The following THBS2 variants were observed in gnomAD, a reference collection of about 807,000 sequenced individuals.
THBS2 encodes thrombospondin 2, also known as thrombospondin-2.
THBS2 carries 47 observed loss-of-function variants against 135.2 expected under a neutral mutation model. The observed-to-expected ratio is 0.35, with a 90% CI of 0.28 to 0.44. The LOEUF (loss-of-function observed/expected upper bound fraction) is 0.44, where lower values mean the gene tolerates loss of function less well. THBS2 is among the 20% of genes least tolerant of loss of function. THBS2 has a pLI of 1.00. For missense variants in THBS2, 1,288 were observed against 1,603.1 expected, an observed-to-expected ratio of 0.80 and a Z score of 3.36; for synonymous variants, 639 against 633.8, an observed-to-expected ratio of 1.01 and a Z score of -0.12.
rs538721622 is a variant in THBS2, at chr6:169,217,117, G to C, written c.*705C>G. ...ATCTGGAACCGCGTCACACCCATTTGCAAGGATGTTTGTTCTTTGATGAAA... is the reference window on the plus strand; with the variant it reads ...ATCTGGAACCGCGTCACACCCATTTCCAAGGATGTTTGTTCTTTGATGAAA... On this transcript the variant is annotated 3_prime_UTR_variant, in exon 22 of 22. Transcript: ENST00000617924. The C allele has an allele frequency of 6.6e-6, 1 of 152,368 alleles. No homozygotes were observed. Among genetic ancestry groups the C allele is most frequent in the South Asian group, 2.1e-4 (1 of 4,824 alleles). 9.4% of individuals were successfully genotyped at this position (152,368 alleles called of 1,614,324 possible).
In THBS2 at chr6:169,252,657, C is replaced by T. The variant is rs1211321265; in HGVS notation, c.-23+1067G>A. Among the ~76,000 whole-genome samples, 1 of 152,180 alleles carries T rather than the reference C, an allele frequency of 6.6e-6. No homozygotes were observed. Among genetic ancestry groups the T allele is most frequent in the African/African-American group, 2.4e-5 (1 of 41,448 alleles). On this transcript the variant is annotated intron_variant, in intron 1 of 21. Coordinates refer to ENST00000617924, the MANE Select transcript of THBS2 (RefSeq NM_003247.5). This position sits in a 1 kb window ranked among gnomAD's most constrained non-coding sequence, Gnocchi z 4.3. Reference sequence around the variant, plus strand: ...GGCTCCATCCCACAGGAAGGATGAGCAGCCAGGCTACCTGGCCTCAGCCCA... The same window carrying T: ...GGCTCCATCCCACAGGAAGGATGAGTAGCCAGGCTACCTGGCCTCAGCCCA...
Position 169,222,283 on chromosome 6 carries a change from C to T in THBS2, c.3187G>A (p.Val1063Met), listed in dbSNP as rs769806537. The T allele has an allele frequency of 3.5e-5, 56 of 1,613,162 alleles. No individual in the cohort carries two copies. The highest frequency in any genetic ancestry group is 4.4e-5 in the South Asian group (4 of 91,088). ...QPTRAYGYSG[V>M]SLKVVNSTTG... ...GTGGAGTTCACCACCTTGAGGGACACGCCGGAGTAGCCATAGGCCCGCGTG... is the reference window on the plus strand; with the variant it reads ...GTGGAGTTCACCACCTTGAGGGACATGCCGGAGTAGCCATAGGCCCGCGTG... The change falls in exon 19 of 22, where the codon GTG becomes ATG. Residue 1063 changes from valine to methionine, a missense_variant. Val to Met is a conservative substitution (Grantham distance 21, BLOSUM62 1). Coordinates refer to ENST00000617924, the MANE Select transcript of THBS2 (RefSeq NM_003247.5).
At position 169,225,153 on chromosome 6, in the gene THBS2, T is replaced by A; in HGVS notation, c.2765A>T (p.Asp922Val). 6.2e-7 allele frequency: 1 copy of A among 1,614,136 alleles called. No individual in the cohort carries two copies. Among genetic ancestry groups the A allele is most frequent in the Non-Finnish European group, 8.5e-7 (1 of 1,179,998 alleles). Residue 922 changes from aspartate to valine, a missense_variant, in exon 17 of 22, where the codon GAC becomes GTC. Around this residue, in one of 2 missense-constraint regions of THBS2, gnomAD observed 874 missense variants for 1,156.1 expected, o/e 0.76. Transcript: ENST00000617924. ...GCTGAGAGAGCACCCACCGTCCAAG[T>A]CCTCCTGGTCTGGGTTGAACACAAG... ...CRLVFNPDQE[D>V]LDGDGRGDIC...
intron 3 of THBS2, among the ~76,000 whole-genome samples, chr6:169,246,875 T>C (rs549977026): frequency 4.6e-5 from 7 of 152,340 alleles, no homozygotes; most frequent in African/African-American, 1.4e-4. Flanking sequence ...TCCAAGGCCC[T>C]ACACGTCCGG....
Position 169,248,727 on chromosome 6 carries a change from A to G in THBS2, c.299T>C (p.Leu100Pro). 1.2e-6 allele frequency: 2 copies of G among 1,613,758 alleles called. No homozygotes were observed. Among genetic ancestry groups the G allele is most frequent in the Non-Finnish European group, 1.7e-6 (2 of 1,180,004 alleles). ...LKQDGKSRGT[L>P]LALEGPGLSQ... is the part of the protein sequence containing the mutation. ...GAGACCGGGGCCCTCCAGAGCCAAC[A>G]GCGTGCCCCTGGACTTGCCGTCCTG... The change falls in exon 3 of 22, where the codon CTG (leucine) becomes CCG (proline). Residue 100 changes from leucine (L) to proline (P), a missense_variant. Leu to Pro is a moderately conservative substitution (Grantham distance 98, BLOSUM62 -3). Transcript: ENST00000617924.
At chr6:169,242,066 G>A in intron 4 of THBS2, 108 bp from the exon 5 acceptor site, 1 of 1,269,646 alleles carries the variant, frequency 7.9e-7, no homozygotes, top group South Asian at 1.4e-5. Context: ...GCGGCCTGGT[G>A]CTGGGAGACA....
chr6:169,244,317 C>G (rs1019211897), intron 4 of THBS2, among the ~76,000 whole-genome samples: 3 of 150,324 alleles, frequency 2.0e-5, no homozygotes, highest in African/African-American at 4.9e-5. Context: ...GCTGGTAACA[C>G]ACACACACAC....
intron 14 of THBS2, among the ~76,000 whole-genome samples, chr6:169,228,927 T>G: frequency 9.0e-6 from 1 of 111,500 alleles, no homozygotes. Context: ...AAAAAAAGAG[T>G]TAGCCCTCGC....
intron 20 of THBS2, among the ~76,000 whole-genome samples, 195 bp from the exon 21 acceptor site, chr6:169,220,532 C>T (rs758003898): frequency 5.3e-5 from 8 of 152,178 alleles, no homozygotes; most frequent in East Asian, 1.9e-4. Context: ...ATCCAGGGCA[C>T]GCCTTCCTTC....
At chr6:169,229,744 G>T in intron 13 of THBS2, 65 bp from the exon 14 acceptor site, 1 of 1,351,066 alleles carries the variant, frequency 7.4e-7, no homozygotes, top group African/African-American at 1.4e-5. Context: ...CAGGAATGCA[G>T]GTGAAATGAA....
At position 169,232,696 on chromosome 6, in the gene THBS2, C is replaced by A; in HGVS notation, c.1900G>T (p.Val634Phe). The A allele has an allele frequency of 6.2e-7, 1 of 1,611,734 alleles. No homozygotes were observed. Residue 634 changes from valine to phenylalanine, a missense_variant, in exon 12 of 22, where the codon GTC becomes TTC. Physicochemically the swap from Val to Phe is conservative, Grantham distance 50. Coordinates refer to ENST00000617924, the MANE Select transcript of THBS2 (RefSeq NM_003247.5). ...PRYRGNQPVG[V>F]GLEAAKTEKQ... ...TCCGTCTTGGCTGCTTCCAGGCCGACCCCGACGGGCTGGTTCCCTCTGTAT... is the reference window on the plus strand; with the variant it reads ...TCCGTCTTGGCTGCTTCCAGGCCGAACCCGACGGGCTGGTTCCCTCTGTAT...
In THBS2 at chr6:169,239,587, G is replaced by T. The variant is rs780446662; in HGVS notation, c.1129+12C>A. On this transcript the variant is annotated intron_variant, in intron 7 of 21. Transcript: ENST00000617924. ...AAAATGCAGGATGCGCTTGCCGGCT[G>T]GCGATACTCACAGTGGAGGCAGGAA... The T allele has an allele frequency of 3.8e-6, 6 of 1,590,074 alleles. No homozygotes were observed. In the South Asian group the frequency reaches 5.7e-5, roughly 15 times the overall value.
rs1779188616 is a variant in THBS2 at position 169,216,836 on chromosome 6, A to G, written c.*986T>C. The G allele has an allele frequency of 6.6e-6, 1 of 152,254 alleles. No homozygotes were observed. The highest frequency in any genetic ancestry group is 1.5e-5 in the Non-Finnish European group (1 of 68,040). 9.4% of individuals were successfully genotyped at this position (152,254 alleles called of 1,614,324 possible). A position where few individuals can be genotyped will look rare whatever the true frequency, so the allele number is the denominator to read the frequency against. ...GTCACTTAATAAATATTAACAAAAT[A>G]TTTATAACTGGAACCTTAATGAAAT... On this transcript the variant is annotated 3_prime_UTR_variant, in exon 22 of 22. Transcript: ENST00000617924.
Position 169,246,405 on chromosome 6 carries a change from G to C in THBS2, c.610-124C>G, listed in dbSNP as rs999584556. 6.4e-6 allele frequency: 5 copies of C among 781,072 alleles called. No homozygotes were observed. The South Asian group carries it at 6.6e-5, about 10-fold the overall frequency. The allele number at this position is 781,072 out of a possible 1,614,324, so 48.4% of individuals were successfully genotyped here. On this transcript the variant is annotated intron_variant, in intron 3 of 21. Transcript: ENST00000617924. ...AAGTAGTGAGAGTATTTCCTTCTAC[G>C]TAGCAGGTTTGCAATCTCTTTATAA... is the stretch of plus-strand genomic sequence containing the variant.
At position 169,234,787 on chromosome 6, in the gene THBS2, C is replaced by T. The variant is rs1779974286; in HGVS notation, c.1598G>A (p.Cys533Tyr). The T allele has an allele frequency of 6.2e-7, 1 of 1,609,140 alleles. No individual in the cohort carries two copies. The highest frequency in any genetic ancestry group is 1.3e-5 in the African/African-American group (1 of 74,782). The change falls in exon 10 of 22, where the codon TGC (cysteine) becomes TAC (tyrosine). Residue 533 changes from cysteine to tyrosine, a missense_variant. By Grantham distance (194) the Cys-to-Tyr change is radical (BLOSUM62 -2). Transcript: ENST00000617924. The part of the protein sequence containing the change: ...SPEPQYGGKA[C>Y]VGDVQERQMC... ...CTGACGCTCCTGCACATCCCCCACG[C>T]AGGCCTTCCCTCCGTACTGAGGCTC... is the stretch of plus-strand genomic sequence containing the variant.
intron 3 of THBS2, among the ~76,000 whole-genome samples, chr6:169,246,532 C>A (rs1780561896): frequency 6.6e-6 from 1 of 152,186 alleles, no homozygotes. Context: ...GGAAATGTTT[C>A]ATAAATAAGA....
intron 7 of THBS2, chr6:169,239,346 C>G: frequency 1.9e-6 from 1 of 531,086 alleles, no homozygotes; most frequent in East Asian, 3.2e-5. Context: ...CCACTGGGCT[C>G]AGCTTCCTCG....
intron 21 of THBS2, 118 bp downstream of exon 21, chr6:169,220,080 T>G: frequency 7.8e-7 from 1 of 1,284,984 alleles, no homozygotes; most frequent in East Asian, 2.3e-5. Flanking sequence ...TGTGGTATTG[T>G]GCATTAGGTT....
chr6:169,249,987 G>GC (rs1780698722), intron 2 of THBS2, among the ~76,000 whole-genome samples: 1 of 151,324 alleles, frequency 6.6e-6, no homozygotes, highest in South Asian at 2.1e-4. Flanking sequence ...CCCAGATCAC[G>GC]CCACTGCACT....
Sources: allele counts gnomAD v4.1 joint callset (sites outside exome capture counted in the v4.1 genomes callset), GRCh38; gene constraint gnomAD v4.1.1; regional missense constraint gnomAD v4.1.1; non-coding constraint Gnocchi (gnomAD v3.1); transcripts MANE v1.5; gene names NCBI Gene and HGNC (gene_info 2026-07-23, HGNC 2026-07-21).